PCNX1: variants seen among roughly 807,000 people sequenced by gnomAD.
The protein encoded by PCNX1 is pecanex-like protein 1.
In PCNX1, 78 loss-of-function variants were observed where a neutral mutation model predicts 242.2. That is an observed-to-expected ratio of 0.32 (90% CI 0.27 to 0.39). The LOEUF is 0.39. Ranked by LOEUF, PCNX1 falls within the 10% of genes least tolerant of loss-of-function variation. The probability of loss-of-function intolerance (pLI) is 1.00; values close to 1 mark genes in which losing one functional copy is unlikely to be tolerated. For missense variants in PCNX1, 2,581 were observed against 2,856.5 expected, an observed-to-expected ratio of 0.90 and a Z score of 2.20; for synonymous variants, 1,024 against 1,032.9, an observed-to-expected ratio of 0.99 and a Z score of 0.17.
Position 71,109,044 on chromosome 14 carries a change from C to A in PCNX1, c.6742C>A (p.Gln2248Lys). 6.2e-7 allele frequency: 1 copy of A among 1,606,008 alleles called. No homozygotes were observed. Residue 2248 changes from glutamine (Q) to lysine (K), a missense_variant and splice_region_variant, in exon 34 of 36, where the codon CAA becomes AAA. By Grantham distance (53) the Gln-to-Lys change is moderately conservative (BLOSUM62 1). Around this residue, in one of 9 missense-constraint regions of PCNX1, gnomAD observed 432 missense variants for 433.6 expected, o/e 1.00. Coordinates refer to ENST00000304743, the MANE Select transcript of PCNX1 (RefSeq NM_014982.3). ...AAAGGCAGAAGTGATTTACAGAGTC[C>A]AAGTAAGTAAGCCCAGAGGTGGTCT... ...SRKAEVIYRVQIVDPSQILEG... is the reference protein window; with the variant it reads ...SRKAEVIYRVKIVDPSQILEG...
Position 70,968,254 on chromosome 14 carries a change from T to G in PCNX1, c.514+11T>G, listed in dbSNP as rs2058439895. On this transcript the variant is annotated intron_variant, in intron 4 of 35. Transcript: ENST00000304743. ...CAGCAACTATTAAAGGTAGGTGTGA[T>G]CTAACTTAAAAGTTGCACCTGCCTT... 1 of 1,607,506 alleles carries G rather than the reference T, an allele frequency of 6.2e-7. No homozygotes were observed. The highest frequency in any genetic ancestry group is 1.7e-5 in the Admixed American group (1 of 59,934).
At chr14:71,042,184 C>T (rs1463243526) in intron 19 of PCNX1, among the ~76,000 whole-genome samples, 1 of 151,962 alleles carries the variant, frequency 6.6e-6, no homozygotes, top group Non-Finnish European at 1.5e-5. Context: ...TCTGCTAGGT[C>T]CATTTGTTCT....
chr14:71,034,051 T>A lies in PCNX1; in HGVS notation c.3774+15T>A, dbSNP rs1053142262. Reference sequence around the variant, plus strand: ...GAAATTCTGTTGTAAGTTTTAACATTTAGAATCACCTAAAAGACTTAAATC... The same window carrying A: ...GAAATTCTGTTGTAAGTTTTAACATATAGAATCACCTAAAAGACTTAAATC... On this transcript the variant is annotated intron_variant, in intron 18 of 35. Coordinates refer to ENST00000304743, the MANE Select transcript of PCNX1 (RefSeq NM_014982.3). 1 of 1,376,404 alleles carries A rather than the reference T, an allele frequency of 7.3e-7. No homozygotes were observed. Among genetic ancestry groups the A allele is most frequent in the Non-Finnish European group, 1.0e-6 (1 of 969,596 alleles). The allele number at this position is 1,376,404 out of a possible 1,614,324, so 85.3% of individuals were successfully genotyped here.
Position 70,977,147 on chromosome 14 carries a change from C to T in PCNX1, c.810C>T (p.His270=). 3 of 1,614,194 alleles carry T rather than the reference C, an allele frequency of 1.9e-6. No homozygotes were observed. Among genetic ancestry groups the T allele is most frequent in the South Asian group, 2.2e-5 (2 of 91,086 alleles). Residue 270 remains histidine (H), a synonymous_variant, in exon 6 of 36, where the codon CAC becomes CAT. Transcript: ENST00000304743. ...AAGTAGCTTCTCTTGTACCTTTACA[C>T]TCACACTCTTATAGAAAAGACCACC... is the stretch of plus-strand genomic sequence containing the variant. ...DTEVASLVPL[H]SHSYRKDHRP...
intron 12 of PCNX1, 27 bp downstream of exon 12, chr14:71,019,189 A>G (rs769389978): frequency 6.4e-7 from 1 of 1,562,856 alleles, no homozygotes; most frequent in Admixed American, 1.9e-5. Flanking sequence ...TTTTCATGCT[A>G]CGGAATTATA....
rs1405378878 is a variant in PCNX1 at position 71,091,758 on chromosome 14, A to T, written c.5589+2416A>T. 2.6e-5 allele frequency among the ~76,000 whole-genome samples: 4 copies of T among 152,380 alleles called. No homozygotes were observed. The East Asian group carries it at 5.8e-4, about 22-fold the overall frequency. ...AAGAAATGTAAACAAACAAAGATGC[A>T]GTATTAAATCATAACTACATAAAGT... On this transcript the variant is annotated intron_variant, in intron 30 of 35. Transcript: ENST00000304743.
chr14:71,024,971 TAGAG>T (rs989739569), intron 13 of PCNX1, among the ~76,000 whole-genome samples: 7 of 152,210 alleles, frequency 4.6e-5, no homozygotes, highest in Non-Finnish European at 8.8e-5. Flanking sequence ...AAATACCTCA[TAGAG>T]AGATACCCTG....
intron 5 of PCNX1, among the ~76,000 whole-genome samples, chr14:70,973,483 G>C (rs1350636489): frequency 6.6e-6 from 1 of 152,112 alleles, no homozygotes; most frequent in East Asian, 1.9e-4. Context: ...ACAATTTAGG[G>C]GGTGTTGGTG....
chr14:70,950,977 G>A (rs1054429477), intron 2 of PCNX1, among the ~76,000 whole-genome samples: 1 of 151,630 alleles, frequency 6.6e-6, no homozygotes, highest in African/African-American at 2.4e-5. Context: ...TTTTGATAAC[G>A]TTTTCTAAGA....
At chr14:70,975,818 A>G (rs1389967135) in intron 5 of PCNX1, among the ~76,000 whole-genome samples, 1 of 151,812 alleles carries the variant, frequency 6.6e-6, no homozygotes, top group Admixed American at 6.6e-5. Flanking sequence ...TCTAGTATGT[A>G]TGATAAGTCA....
At chr14:70,956,457 G>A (rs1296389589) in intron 2 of PCNX1, among the ~76,000 whole-genome samples, 5 of 152,232 alleles carry the variant, frequency 3.3e-5, no homozygotes, top group South Asian at 4.2e-4. Context: ...TACTCAGGAG[G>A]CGGAGGTGGG....
intron 28 of PCNX1, among the ~76,000 whole-genome samples, chr14:71,086,081 C>A (rs2061982263): frequency 6.6e-6 from 1 of 152,114 alleles, no homozygotes; most frequent in South Asian, 2.1e-4. Flanking sequence ...ATCTTTTCTT[C>A]TGAATTAATA....
chr14:71,055,164 G>C (rs1334791563), intron 24 of PCNX1, among the ~76,000 whole-genome samples: 1 of 152,110 alleles, frequency 6.6e-6, no homozygotes, highest in Non-Finnish European at 1.5e-5. Flanking sequence ...GGCAAAGAAT[G>C]TTCTAACCTC....
chr14:71,065,973 A>G (rs2061435902), intron 26 of PCNX1, among the ~76,000 whole-genome samples: 1 of 4,656 alleles, frequency 2.1e-4, no homozygotes, highest in African/African-American at 9.7e-4. Context: ...ATTGATCTAT[A>G]TATCTGTTTT....
At chr14:71,003,472 A>G (rs1185439006) in intron 8 of PCNX1, among the ~76,000 whole-genome samples, 1 of 152,158 alleles carries the variant, frequency 6.6e-6, no homozygotes, top group East Asian at 1.9e-4. Context: ...ACAAATTACA[A>G]ATATTTTCTC....
chr14:71,036,917 T>A (rs962563351), intron 19 of PCNX1, among the ~76,000 whole-genome samples: 9 of 152,208 alleles, frequency 5.9e-5, no homozygotes, highest in African/African-American at 2.2e-4. Context: ...TTCCTACCCA[T>A]GAGCATGGAA....
In PCNX1 at chr14:70,978,223, C is replaced by A. The variant is rs982098018; in HGVS notation, c.1886C>A (p.Thr629Asn). The A allele has an allele frequency of 4.3e-6, 7 of 1,614,006 alleles. No homozygotes were observed. The African/African-American group carries it at 8.0e-5, about 18-fold the overall frequency. ...AGCAGTGATAGCTCTTCTAGCACCA[C>A]TTCTCATTCCTGTCAGTCTCCTGAG... ...QFSSDSSSST[T>N]SHSCQSPEGR... is the part of the protein sequence containing the mutation. The change falls in exon 6 of 36, where the codon ACT (threonine) becomes AAT (asparagine). Residue 629 changes from threonine (T) to asparagine (N), a missense_variant. Thr to Asn is a moderately conservative substitution (Grantham distance 65, BLOSUM62 0). This residue lies in a region of PCNX1 where 1,204 missense variants were observed against 1,216.7 expected (regional missense o/e 0.99). Coordinates refer to ENST00000304743, the MANE Select transcript of PCNX1 (RefSeq NM_014982.3).
chr14:71,008,642 C>G (rs947540392), intron 8 of PCNX1, among the ~76,000 whole-genome samples: 5 of 115,308 alleles, frequency 4.3e-5, no homozygotes, highest in African/African-American at 1.4e-4. Flanking sequence ...GGTGACAGAG[C>G]GAGACTCTGT....
At position 70,977,309 on chromosome 14, in the gene PCNX1, A is replaced by G; in HGVS notation, c.972A>G (p.Gly324=). ...TAGAATCTTCCAAGCCTCTTTCTGG[A>G]TCCAAAGAATCCTTGGTGGAAAATT... is the stretch of plus-strand genomic sequence containing the variant. ...SELESSKPLS[G]SKESLVENSG... Residue 324 remains glycine (G), a synonymous_variant, in exon 6 of 36, where the codon GGA becomes GGG. Coordinates refer to ENST00000304743, the MANE Select transcript of PCNX1 (RefSeq NM_014982.3). 1 of 1,614,212 alleles carries G rather than the reference A, an allele frequency of 6.2e-7. No homozygotes were observed. The highest frequency in any genetic ancestry group is 8.5e-7 in the Non-Finnish European group (1 of 1,180,030).
Sources: gnomAD v4.1 joint callset for allele counts (sites outside exome capture counted in the v4.1 genomes callset) on GRCh38, gnomAD v4.1.1 for gene constraint, gnomAD v4.1.1 regional missense constraint, MANE v1.5 for transcripts, NCBI Gene and HGNC (gene_info 2026-07-23, HGNC 2026-07-21) for gene names.